Variants in GALNTL6 observed in about 807,000 individuals in gnomAD.
The protein encoded by GALNTL6 is polypeptide N-acetylgalactosaminyltransferase like 6, also known as polypeptide N-acetylgalactosaminyltransferase-like 6.
Under a neutral mutation model 73.7 loss-of-function variants are expected in GALNTL6, and 46 were observed. The ratio of observed to expected loss-of-function variants is 0.62; its 90% confidence interval spans 0.49 to 0.80. GALNTL6 has a LOEUF of 0.80. Ranked by LOEUF, GALNTL6 falls within the 30% of genes least tolerant of loss-of-function variation. The pLI, the probability that GALNTL6 is intolerant of heterozygous loss-of-function variation, is 0.00. For synonymous variants in GALNTL6, 259 were observed against 263.7 expected (o/e 0.98, Z 0.17); for missense variants, 604 against 755.0 (o/e 0.80, Z 2.34).
At chr4:172,703,488 A>G (rs771568863) in intron 5 of GALNTL6, among the ~76,000 whole-genome samples, 7 of 152,026 alleles carry the variant, frequency 4.6e-5, no homozygotes, top group Non-Finnish European at 1.0e-4. Context: ...GATGTAGTGT[A>G]TCATAGTGAT....
At chr4:172,626,945 A>C (rs1016147040) in intron 5 of GALNTL6, among the ~76,000 whole-genome samples, 2 of 152,072 alleles carry the variant, frequency 1.3e-5, no homozygotes, top group African/African-American at 4.8e-5. Context: ...CAGTGAAGAG[A>C]GACAACTTGA....
chr4:172,729,265 G>T (rs549815932), intron 5 of GALNTL6, among the ~76,000 whole-genome samples: 19 of 151,778 alleles, frequency 1.3e-4, no homozygotes, highest in Admixed American at 5.2e-4. Context: ...TTTCTTGGTC[G>T]CCTGTGCTTT....
At chr4:173,010,456 C>G (rs1042741901) in intron 11 of GALNTL6, among the ~76,000 whole-genome samples, 5 of 152,136 alleles carry the variant, frequency 3.3e-5, no homozygotes, top group Non-Finnish European at 7.4e-5. Context: ...CCATTGTGAA[C>G]AGTGCTGCAT....
chr4:172,411,834 T>C (rs1437913146), intron 5 of GALNTL6, among the ~76,000 whole-genome samples: 4 of 152,092 alleles, frequency 2.6e-5, no homozygotes, highest in Non-Finnish European at 4.4e-5. Flanking sequence ...AGTTGCTTTA[T>C]AGGCCCTGGG....
chr4:172,281,856 T>C (rs1450293599), intron 3 of GALNTL6, among the ~76,000 whole-genome samples: 1 of 152,136 alleles, frequency 6.6e-6, no homozygotes, highest in Non-Finnish European at 1.5e-5. Context: ...TTCCTGGCAT[T>C]GGGGCATGGA....
Position 172,215,222 on chromosome 4 carries a change from A to G in GALNTL6, c.139-14434A>G, listed in dbSNP as rs573444619. Among the ~76,000 whole-genome samples the G allele has an allele frequency of 5.3e-5, 8 of 152,230 alleles. No individual in the cohort carries two copies. The South Asian group carries it at 1.7e-3, about 32-fold the overall frequency. The stretch of plus-strand genomic sequence containing the variant: ...TGTTTTTGAAAAGAATGTATATTCT[A>G]TTGTTTTGGGATTGAATATTCTAAA... On this transcript the variant is annotated intron_variant, in intron 2 of 12. Transcript: ENST00000506823.
intron 5 of GALNTL6, among the ~76,000 whole-genome samples, chr4:172,378,829 T>C (rs1743150515): frequency 6.7e-6 from 1 of 149,278 alleles, no homozygotes; most frequent in Non-Finnish European, 1.5e-5. Context: ...CTGGATGAGA[T>C]TGATTATATT....
chr4:172,850,241 T>A (rs963588305), intron 7 of GALNTL6, among the ~76,000 whole-genome samples: 2 of 152,162 alleles, frequency 1.3e-5, no homozygotes, highest in Non-Finnish European at 2.9e-5. Flanking sequence ...TATTGGTCTT[T>A]CAGTATTATC....
chr4:172,349,562 A>G (rs1741869656), intron 5 of GALNTL6, among the ~76,000 whole-genome samples: 1 of 152,122 alleles, frequency 6.6e-6, no homozygotes, highest in African/African-American at 2.4e-5. Context: ...CATAGTATTC[A>G]AAAATTCTGC....
chr4:172,096,260 T>C (rs1257545376), intron 2 of GALNTL6, among the ~76,000 whole-genome samples: 2 of 152,074 alleles, frequency 1.3e-5, no homozygotes, highest in African/African-American at 4.8e-5. Context: ...CATGCCCCCA[T>C]GCCTGGCTAA....
chr4:171,964,265 A>C (rs1739320581), intron 2 of GALNTL6, among the ~76,000 whole-genome samples: 1 of 151,946 alleles, frequency 6.6e-6, no homozygotes, highest in Non-Finnish European at 1.5e-5. Flanking sequence ...TCTAAGTAGG[A>C]TAGAACCTCA....
At chr4:172,262,320 A>G (rs186784148) in intron 3 of GALNTL6, among the ~76,000 whole-genome samples, 1 of 151,510 alleles carries the variant, frequency 6.6e-6, no homozygotes, top group Admixed American at 6.6e-5. Flanking sequence ...TGTTAGGTGC[A>G]TATATATTTA....
intron 5 of GALNTL6, among the ~76,000 whole-genome samples, chr4:172,532,040 C>T (rs572966771): frequency 1.3e-5 from 2 of 152,258 alleles, no homozygotes; most frequent in South Asian, 2.1e-4. Flanking sequence ...GATTCTTGTG[C>T]GGCTGACGTG....
At chr4:172,941,131 C>T (rs954238180) in intron 9 of GALNTL6, among the ~76,000 whole-genome samples, 1 of 152,136 alleles carries the variant, frequency 6.6e-6, no homozygotes, top group African/African-American at 2.4e-5. Context: ...CAATTTTCAG[C>T]TCAGTTATGA....
intron 2 of GALNTL6, among the ~76,000 whole-genome samples, chr4:172,109,184 TGTCTC>T (rs1213737965): frequency 6.6e-6 from 1 of 152,212 alleles, no homozygotes; most frequent in Admixed American, 6.5e-5. Flanking sequence ...TCAGAGATTT[TGTCTC>T]TTTTAGTTCT....
chr4:172,900,514 C>T (rs2111238058), intron 8 of GALNTL6, among the ~76,000 whole-genome samples: 1 of 152,202 alleles, frequency 6.6e-6, no homozygotes, highest in African/African-American at 2.4e-5. Context: ...TCTGCTGATC[C>T]TGGAAAACTA....
chr4:172,463,425 G>T (rs59361015), intron 5 of GALNTL6, among the ~76,000 whole-genome samples: 7,565 of 151,812 alleles, frequency 0.05, 581 homozygotes, highest in African/African-American at 0.17. Flanking sequence ...TAATTATAAT[G>T]CCTATATCGG....
intron 2 of GALNTL6, among the ~76,000 whole-genome samples, chr4:171,999,059 C>A (rs1301974384): frequency 6.6e-6 from 1 of 152,146 alleles, no homozygotes; most frequent in Non-Finnish European, 1.5e-5. Flanking sequence ...CAGGAAACGT[C>A]TTTTGGTATT....
intron 8 of GALNTL6, among the ~76,000 whole-genome samples, chr4:172,916,750 A>T (rs1263735499): frequency 4.0e-5 from 6 of 149,244 alleles, no homozygotes; most frequent in African/African-American, 1.5e-4. Flanking sequence ...ATAAAAGAGG[A>T]CACAAACAAA....
Sources: gnomAD v4.1 joint callset for allele counts (sites outside exome capture counted in the v4.1 genomes callset) on GRCh38, gnomAD v4.1.1 for gene constraint, MANE v1.5 for transcripts, NCBI Gene and HGNC (gene_info 2026-07-23, HGNC 2026-07-21) for gene names.